The following ZEB2 variants were observed in gnomAD, a reference collection of about 807,000 sequenced individuals.
ZEB2 encodes the protein zinc finger E-box-binding homeobox 2.
ZEB2 carries 6 observed loss-of-function variants against 99.9 expected under a neutral mutation model. The observed-to-expected ratio is 0.06, with a 90% CI of 0.03 to 0.12. The LOEUF (loss-of-function observed/expected upper bound fraction) is 0.12. Among genes scored for constraint, ZEB2 ranks in the 10% least tolerant of loss-of-function variants. The pLI is 1.00. For missense variants in ZEB2, 969 were observed against 1,502.8 expected, an observed-to-expected ratio of 0.64 and a Z score of 5.87; for synonymous variants, 517 against 542.5, an observed-to-expected ratio of 0.95 and a Z score of 0.65.
At chr2:144,404,424 A>G (rs1703355773) in intron 5 of ZEB2, among the ~76,000 whole-genome samples, 1 of 150,854 alleles carries the variant, frequency 6.6e-6, no homozygotes. Flanking sequence ...TCTTTAGGTG[A>G]CTGACAGTTC....
intron 2 of ZEB2, among the ~76,000 whole-genome samples, chr2:144,451,826 A>G (rs1208100713): frequency 6.6e-6 from 1 of 152,254 alleles, no homozygotes; most frequent in Non-Finnish European, 1.5e-5. Flanking sequence ...CTATTTGTCC[A>G]TATGGACACA....
chr2:144,429,796 T>A lies in ZEB2; in HGVS notation c.304A>T (p.Ile102Phe), dbSNP rs201109457. Residue 102 changes from isoleucine (I) to phenylalanine (F), a missense_variant, in exon 3 of 10, where the codon ATT becomes TTT. By Grantham distance (21) the Ile-to-Phe change is conservative (BLOSUM62 0). This residue lies in a region of ZEB2 where 173 missense variants were observed against 217.7 expected (regional missense o/e 0.79). Coordinates refer to ENST00000627532, the MANE Select transcript of ZEB2 (RefSeq NM_014795.4). ...GGACCATCTACAGAGGCTTGTAGAA[T>A]CTCGTTGTTGTGCCAGGGGTGTTCC... is the stretch of plus-strand genomic sequence containing the variant. The part of the protein sequence containing the change: ...GVEHPWHNNE[I>F]LQASVDGPEE... The A allele has an allele frequency of 3.3e-4, 533 of 1,613,696 alleles. No homozygotes were observed. The highest frequency in any genetic ancestry group is 4.2e-4 in the Non-Finnish European group (500 of 1,179,830).
intron 2 of ZEB2, among the ~76,000 whole-genome samples, chr2:144,508,221 C>T (rs899336565): frequency 4.6e-5 from 7 of 152,116 alleles, no homozygotes; most frequent in Non-Finnish European, 1.0e-4. Flanking sequence ...TGTATACGGG[C>T]GTTTGTTCAT....
chr2:144,514,626 G>A (rs927246484), intron 2 of ZEB2, among the ~76,000 whole-genome samples: 2 of 152,212 alleles, frequency 1.3e-5, no homozygotes, highest in Non-Finnish European at 2.9e-5. Context: ...AAGGGGTGGG[G>A]TGGTAGTACT....
chr2:144,492,617 T>G (rs1704696809), intron 2 of ZEB2, among the ~76,000 whole-genome samples: 2 of 152,222 alleles, frequency 1.3e-5, no homozygotes, highest in Non-Finnish European at 2.9e-5. Flanking sequence ...GCACCCACAC[T>G]GCCTCTCTGC....
At chr2:144,429,252 T>A (rs1323552109) in intron 3 of ZEB2, 2 of 162,194 alleles carry the variant, frequency 1.2e-5, no homozygotes, top group Non-Finnish European at 2.7e-5. Flanking sequence ...CAGGTAAAAG[T>A]GTGAAATCAC....
intron 2 of ZEB2, chr2:144,516,179 G>C (rs1211196558): frequency 6.6e-6 from 1 of 150,946 alleles, no homozygotes; most frequent in African/African-American, 2.5e-5. Context: ...TCGGGGGTTG[G>C]TTTCTTTCTT....
intron 2 of ZEB2, among the ~76,000 whole-genome samples, chr2:144,432,540 A>G (rs1424199283): frequency 6.6e-6 from 1 of 152,126 alleles, no homozygotes; most frequent in East Asian, 1.9e-4. Context: ...AAATGCACTG[A>G]GATGGACTTT....
chr2:144,497,987 T>C (rs1267970534), intron 2 of ZEB2, among the ~76,000 whole-genome samples: 130 of 8,376 alleles, frequency 0.016, 51 homozygotes, highest in Non-Finnish European at 0.021. Context: ...ATATAATATA[T>C]TAATATTATA....
At chr2:144,485,573 C>T (rs545816513) in intron 2 of ZEB2, among the ~76,000 whole-genome samples, 18 of 152,212 alleles carry the variant, frequency 1.2e-4, no homozygotes, top group South Asian at 8.3e-4. Flanking sequence ...TTTCACGAAG[C>T]CATAACATCA....
At chr2:144,408,164 G>T (rs1411185325) in intron 4 of ZEB2, among the ~76,000 whole-genome samples, 1 of 152,156 alleles carries the variant, frequency 6.6e-6, no homozygotes, top group African/African-American at 2.4e-5. Context: ...TCTCTTTAAG[G>T]ATTCATCTTT....
chr2:144,455,791 A>G (rs539553905), intron 2 of ZEB2, among the ~76,000 whole-genome samples: 109 of 152,196 alleles, frequency 7.2e-4, no homozygotes, highest in African/African-American at 2.5e-3. Context: ...CTCTCCTGCA[A>G]TAGTACAGGA....
At chr2:144,504,080 A>G (rs1402937041) in intron 2 of ZEB2, 8 of 70,310 alleles carry the variant, frequency 1.1e-4, no homozygotes, top group Middle Eastern at 5.6e-3. Context: ...TAACAATTAG[A>G]AAAAAAAAAA....
intron 1 of ZEB2, chr2:144,517,796 C>A (rs1705187207): frequency 4.5e-6 from 3 of 661,774 alleles, no homozygotes; most frequent in Admixed American, 2.3e-5. Flanking sequence ...TGGGGTGAGG[C>A]GAGGTTTTCT....
chr2:144,480,976 G>GT (rs1381394604), intron 2 of ZEB2, among the ~76,000 whole-genome samples: 2 of 151,806 alleles, frequency 1.3e-5, no homozygotes, highest in African/African-American at 2.4e-5. Flanking sequence ...GCTTCAATCT[G>GT]TTTTTTTCTA....
intron 2 of ZEB2, among the ~76,000 whole-genome samples, chr2:144,436,237 A>G (rs944895796): frequency 2.0e-5 from 3 of 152,218 alleles, no homozygotes; most frequent in African/African-American, 7.2e-5. Flanking sequence ...GGAATGTGCT[A>G]TCCAATACAA....
At chr2:144,411,064 T>TATATAC (rs1703454473) in intron 4 of ZEB2, among the ~76,000 whole-genome samples, 1 of 80,170 alleles carries the variant, frequency 1.2e-5, no homozygotes, top group East Asian at 3.7e-4. Flanking sequence ...TGTCTATATA[T>TATATAC]ATATATATAT....
intron 4 of ZEB2, among the ~76,000 whole-genome samples, chr2:144,409,080 G>C (rs1040196061): frequency 1.3e-5 from 2 of 152,200 alleles, no homozygotes; most frequent in African/African-American, 4.8e-5. Flanking sequence ...TGTTCTGACA[G>C]TTCATTTCTA....
intron 2 of ZEB2, among the ~76,000 whole-genome samples, chr2:144,505,663 C>A (rs943653747): frequency 2.0e-5 from 3 of 152,120 alleles, no homozygotes; most frequent in African/African-American, 7.2e-5. Context: ...TTGAAGCCAG[C>A]CTGTCTCTGC....
Sources: gnomAD v4.1 joint callset for allele counts (sites outside exome capture counted in the v4.1 genomes callset) on GRCh38, gnomAD v4.1.1 for gene constraint, gnomAD v4.1.1 regional missense constraint, MANE v1.5 for transcripts, NCBI Gene and HGNC (gene_info 2026-07-23, HGNC 2026-07-21) for gene names.